Variants in MTA3 observed in about 807,000 individuals in gnomAD.
MTA3 encodes metastasis associated 1 family member 3, also known as metastasis-associated protein MTA3.
A neutral mutation model predicts 83.5 loss-of-function variants in MTA3; 34 were observed. The observed-to-expected ratio is 0.41, with a 90% CI of 0.31 to 0.54. MTA3 has a LOEUF of 0.54. MTA3 is among the 20% of genes least tolerant of loss of function. The pLI, the probability that MTA3 is intolerant of heterozygous loss-of-function variation, is 0.33. For synonymous variants in MTA3, 303 were observed against 252.7 expected (o/e 1.20, Z -1.89); for missense variants, 761 against 726.4 (o/e 1.05, Z -0.55).
chr2:42,718,999 C>T lies in MTA3; in HGVS notation c.1537C>T (p.His513Tyr), dbSNP rs1321357801. 2 of 1,550,028 alleles carry T rather than the reference C, an allele frequency of 1.3e-6. No homozygotes were observed. Among genetic ancestry groups the T allele is most frequent in the Non-Finnish European group, 1.7e-6 (2 of 1,146,566 alleles). The change falls in exon 15 of 17, where the codon CAT becomes TAT. Residue 513 changes from histidine (H) to tyrosine (Y), a missense_variant. Transcript: ENST00000405094. ...CTTTCTCTCCTCAGATGCAGACAGA[C>T]ATGCTGAACTATCTGGAAGTCCACT... ...AAIRAEYADR[H>Y]AELSGSPLKS...
intron 3 of MTA3, among the ~76,000 whole-genome samples, chr2:42,594,944 G>A (rs939316678): frequency 6.8e-6 from 1 of 146,154 alleles, no homozygotes; most frequent in African/African-American, 2.5e-5. Flanking sequence ...TAGTAGAGAT[G>A]GGGTTTCACC....
chr2:42,620,987 C>A (rs1685465767), intron 4 of MTA3, among the ~76,000 whole-genome samples: 2 of 152,062 alleles, frequency 1.3e-5, no homozygotes, highest in Non-Finnish European at 2.9e-5. Flanking sequence ...AGTTGTCAGC[C>A]ATTCACAATG....
intron 11 of MTA3, among the ~76,000 whole-genome samples, chr2:42,702,121 G>C (rs1382257457): frequency 1.3e-5 from 2 of 151,958 alleles, no homozygotes; most frequent in East Asian, 1.9e-4. Context: ...TGAGGCAGGA[G>C]AATCGCTTGA....
At chr2:42,661,518 AAAAAAAAAAAG>A (rs1689711874) in intron 8 of MTA3, among the ~76,000 whole-genome samples, 2 of 147,142 alleles carry the variant, frequency 1.4e-5, no homozygotes, top group South Asian at 2.2e-4. Context: ...AAAAAAAAAA[AAAAAAAAAAAG>A]AAAAAGATAT....
intron 2 of MTA3, among the ~76,000 whole-genome samples, chr2:42,517,705 C>A (rs911243487): frequency 6.6e-6 from 1 of 151,528 alleles, no homozygotes; most frequent in Non-Finnish European, 1.5e-5. Context: ...TGGGGAAACC[C>A]TGTCTCTACT....
At chr2:42,518,965 CAA>C in intron 2 of MTA3, among the ~76,000 whole-genome samples, 1 of 130,844 alleles carries the variant, frequency 7.6e-6, no homozygotes, top group Non-Finnish European at 1.6e-5. Context: ...GACCCTTTCT[CAA>C]AACACACACA....
intron 15 of MTA3, 124 bp from the exon 16 acceptor site, chr2:42,722,765 C>A: frequency 8.7e-7 from 1 of 1,143,694 alleles, no homozygotes; most frequent in Non-Finnish European, 1.2e-6. Flanking sequence ...AAGTCCTTGG[C>A]TGGCTCAGGA....
chr2:42,639,794 A>C (rs1687538573), intron 4 of MTA3, among the ~76,000 whole-genome samples: 1 of 152,202 alleles, frequency 6.6e-6, no homozygotes, highest in Admixed American at 6.6e-5. Flanking sequence ...CTTTGTCTGA[A>C]CATCCCTTTT....
At chr2:42,741,664 AT>A (rs1237903169) in intron 16 of MTA3, among the ~76,000 whole-genome samples, 2 of 151,962 alleles carry the variant, frequency 1.3e-5, no homozygotes, top group Non-Finnish European at 2.9e-5. Flanking sequence ...GACACATAGC[AT>A]TTTTTTTATT....
At chr2:42,656,362 G>C in intron 7 of MTA3, 60 bp downstream of exon 7, 1 of 1,027,858 alleles carries the variant, frequency 9.7e-7, no homozygotes, top group Non-Finnish European at 1.4e-6. Context: ...GAATTTATAG[G>C]TATATGTATT....
intron 16 of MTA3, among the ~76,000 whole-genome samples, chr2:42,736,176 A>G (rs1668601139): frequency 6.6e-6 from 1 of 152,216 alleles, no homozygotes; most frequent in Non-Finnish European, 1.5e-5. Context: ...CCTCCAGCCC[A>G]GTAATGCTGT....
chr2:42,636,141 T>C (rs1687171037), intron 4 of MTA3, among the ~76,000 whole-genome samples: 1 of 152,154 alleles, frequency 6.6e-6, no homozygotes, highest in South Asian at 2.1e-4. Context: ...ATCATGTAGA[T>C]TCCTGGACCC....
chr2:42,689,097 A>T (rs1312950424), intron 9 of MTA3, among the ~76,000 whole-genome samples: 1 of 152,166 alleles, frequency 6.6e-6, no homozygotes, highest in African/African-American at 2.4e-5. Context: ...TGATTATGGA[A>T]TGTTTATCTC....
intron 7 of MTA3, among the ~76,000 whole-genome samples, chr2:42,657,455 A>G (rs1025937214): frequency 1.3e-5 from 2 of 152,202 alleles, no homozygotes; most frequent in African/African-American, 4.8e-5. Context: ...TAGAGTCTCC[A>G]GACAGGCTGT....
intron 16 of MTA3, among the ~76,000 whole-genome samples, chr2:42,746,596 T>G (rs2104595176): frequency 6.6e-6 from 1 of 152,288 alleles, no homozygotes; most frequent in Non-Finnish European, 1.5e-5. Flanking sequence ...CCCCAGGCTG[T>G]TTTTCCTGTG....
At chr2:42,563,892 C>T (rs188390548), upstream of MTA3, among the ~76,000 whole-genome samples, 39 of 151,260 alleles carry the variant, frequency 2.6e-4, no homozygotes, top group African/African-American at 7.3e-4. Flanking sequence ...GGCGCGATCT[C>T]GGCTCACTGC....
At position 42,544,402 on chromosome 2, in the gene MTA3, C is replaced by G. The variant is rs946015568; in HGVS notation, c.-140-26035C>G. On this transcript the variant is annotated intron_variant, in intron 2 of 17. Coordinates refer to the MTA3 transcript ENST00000405592. ...CAGAGGTTGTGGTGAGCCAAGATTG[C>G]GCCACTGTACTCTGTTGCCAGCTTG... Among the ~76,000 whole-genome samples, 8 of 151,144 alleles carry G rather than the reference C, an allele frequency of 5.3e-5. No homozygotes were observed. In the Admixed American group the frequency reaches 5.3e-4, roughly 10 times the overall value.
At chr2:42,624,933 G>T (rs1685929728) in intron 4 of MTA3, among the ~76,000 whole-genome samples, 1 of 152,042 alleles carries the variant, frequency 6.6e-6, no homozygotes, top group South Asian at 2.1e-4. Context: ...AATCTTTTTA[G>T]AATTTTCTTA....
chr2:42,592,948 C>T (rs1390244518), intron 3 of MTA3, among the ~76,000 whole-genome samples: 3 of 149,640 alleles, frequency 2.0e-5, no homozygotes, highest in East Asian at 2.0e-4. Context: ...GTCAGGAGTT[C>T]GAGACCAGCC....
Sources: gnomAD v4.1 joint callset for allele counts (sites outside exome capture counted in the v4.1 genomes callset) on GRCh38, gnomAD v4.1.1 for gene constraint, MANE v1.5 for transcripts, NCBI Gene and HGNC (gene_info 2026-07-23, HGNC 2026-07-21) for gene names.